The following FNBP4 variants were observed in gnomAD, a reference collection of about 807,000 sequenced individuals.
The protein encoded by FNBP4 is formin binding protein 4, also known as formin-binding protein 4.
Under a neutral mutation model 119.3 loss-of-function variants are expected in FNBP4, and 34 were observed. The observed-to-expected ratio is 0.28, with a 90% CI of 0.22 to 0.38. The LOEUF (loss-of-function observed/expected upper bound fraction) is 0.38. FNBP4 is among the 10% of genes least tolerant of loss of function. FNBP4 has a pLI of 1.00. For missense variants in FNBP4, 1,112 were observed against 1,228.9 expected, an observed-to-expected ratio of 0.90 and a Z score of 1.42; for synonymous variants, 462 against 430.6, an observed-to-expected ratio of 1.07 and a Z score of -0.90.
At chr11:47,766,028 T>G (rs979696523) in intron 1 of FNBP4, among the ~76,000 whole-genome samples, 1 of 151,882 alleles carries the variant, frequency 6.6e-6, no homozygotes, top group Non-Finnish European at 1.5e-5. Context: ...GGGAAGACTC[T>G]TACCATGGTA....
intron 8 of FNBP4, among the ~76,000 whole-genome samples, chr11:47,742,185 G>A (rs1163248552): frequency 6.6e-6 from 1 of 152,040 alleles, no homozygotes; most frequent in Admixed American, 6.6e-5. Context: ...ATAAAGGACA[G>A]AGAAAATAGC....
At chr11:47,765,522 C>T (rs2097645551) in intron 1 of FNBP4, among the ~76,000 whole-genome samples, 160 bp from the exon 2 acceptor site, 2 of 126,194 alleles carry the variant, frequency 1.6e-5, no homozygotes, top group African/African-American at 3.2e-5. Context: ...AAGTGCATTT[C>T]GGATGGGTTC....
At chr11:47,724,839 T>C in intron 12 of FNBP4, 61 bp from the exon 13 acceptor site, 2 of 1,511,178 alleles carry the variant, frequency 1.3e-6, no homozygotes, top group Admixed American at 2.3e-5. Context: ...CTTATATTCA[T>C]AGAAATGTTC....
chr11:47,717,761 T>C (rs1565115905), intron 16 of FNBP4, among the ~76,000 whole-genome samples: 1 of 152,218 alleles, frequency 6.6e-6, no homozygotes, highest in African/African-American at 2.4e-5. Context: ...TATTATTGAC[T>C]GATTGAGACG....
At position 47,717,179 on chromosome 11, in the gene FNBP4, AAGTTTGCC is replaced by A; in HGVS notation, c.*235_*242del. On this transcript the variant is annotated 3_prime_UTR_variant, in exon 17 of 17. Coordinates refer to ENST00000263773, the MANE Select transcript of FNBP4 (RefSeq NM_015308.5). The stretch of plus-strand genomic sequence containing the variant: ...ATGAGGTTAATACACCTAACATGCT[AAGTTTGCC>A]AGTTTGAGAATAAAGGCAGCATGGT... 2.2e-6 allele frequency: 1 copy of A among 447,282 alleles called. No homozygotes were observed. The highest frequency in any genetic ancestry group is 3.1e-5 in the South Asian group (1 of 31,840). The allele number at this position is 447,282 out of a possible 1,614,324, so 27.7% of individuals were successfully genotyped here.
chr11:47,752,850 A>G, intron 4 of FNBP4, 66 bp downstream of exon 4: 4 of 1,346,466 alleles, frequency 3.0e-6, no homozygotes, highest in Non-Finnish European at 4.1e-6. Context: ...AAAAACCAGA[A>G]AAGTGAATGC....
chr11:47,731,277 A>G (rs989425612), intron 12 of FNBP4, 97 bp downstream of exon 12: 4 of 1,195,798 alleles, frequency 3.3e-6, no homozygotes, highest in South Asian at 1.7e-5. Flanking sequence ...TCAGAAGCTT[A>G]TATTATTATG....
Position 47,754,519 on chromosome 11 carries a change from A to G in FNBP4, c.450+9T>C. The G allele has an allele frequency of 6.2e-7, 1 of 1,610,734 alleles. No individual in the cohort carries two copies. The highest frequency in any genetic ancestry group is 1.7e-5 in the Admixed American group (1 of 58,840). On this transcript the variant is annotated intron_variant, in intron 3 of 16. Coordinates refer to ENST00000263773, the MANE Select transcript of FNBP4 (RefSeq NM_015308.5). Reference sequence around the variant, plus strand: ...AGTAACTAAAACTCCAAACGAAAGCACCACTAACCGCTAGGAAGTTGGCCA... The same window carrying G: ...AGTAACTAAAACTCCAAACGAAAGCGCCACTAACCGCTAGGAAGTTGGCCA...
chr11:47,724,265 T>G, intron 13 of FNBP4, 93 bp from the exon 14 acceptor site: 1 of 1,544,222 alleles, frequency 6.5e-7, no homozygotes, highest in Admixed American at 1.8e-5. Flanking sequence ...TCTCATTCTG[T>G]TGCACAAGCT....
chr11:47,731,684 T>G (rs1421431574), intron 11 of FNBP4, 123 bp from the exon 12 acceptor site: 1 of 1,442,032 alleles, frequency 6.9e-7, no homozygotes, highest in Non-Finnish European at 9.0e-7. Context: ...TGGACTGCTA[T>G]TCACAAAGGC....
In FNBP4 at chr11:47,732,670, T is replaced by C. The variant is rs890456395; in HGVS notation, c.1687A>G (p.Thr563Ala). The C allele has an allele frequency of 3.1e-6, 5 of 1,613,952 alleles. No homozygotes were observed. Among genetic ancestry groups the C allele is most frequent in the Non-Finnish European group, 4.2e-6 (5 of 1,179,922 alleles). ...NFHVLLLQTE[T>A]RIADWREGAL... is the part of the protein sequence containing the mutation. The stretch of plus-strand genomic sequence containing the variant: ...CCTTCCCGCCAGTCTGCAATTCGAG[T>C]CTAGAATAAACAGACAAATAAGTTA... Residue 563 changes from threonine (T) to alanine (A), a missense_variant and splice_region_variant, in exon 11 of 17, where the codon ACT becomes GCT. Physicochemically the swap from Thr to Ala is moderately conservative, Grantham distance 58. Around this residue, in one of 2 missense-constraint regions of FNBP4, gnomAD observed 826 missense variants for 988.8 expected, o/e 0.84. Coordinates refer to ENST00000263773, the MANE Select transcript of FNBP4 (RefSeq NM_015308.5). This position sits in a 1 kb window ranked among gnomAD's most constrained non-coding sequence, Gnocchi z 4.2.
chr11:47,747,922 C>T (rs966757313), intron 6 of FNBP4, among the ~76,000 whole-genome samples: 22 of 144,618 alleles, frequency 1.5e-4, no homozygotes, highest in African/African-American at 5.1e-4. Context: ...TACTCCAGCT[C>T]GGATGACAGT....
At chr11:47,766,100 TTGAGCCCTGGAG>T (rs1288838518) in intron 1 of FNBP4, among the ~76,000 whole-genome samples, 2 of 152,056 alleles carry the variant, frequency 1.3e-5, no homozygotes, top group Non-Finnish European at 1.5e-5. Context: ...TAATGATCGC[TTGAGCCCTGGAG>T]TTCGAGACCA....
At chr11:47,743,259 G>C (rs958896023) in intron 8 of FNBP4, among the ~76,000 whole-genome samples, 3 of 152,148 alleles carry the variant, frequency 2.0e-5, no homozygotes, top group Non-Finnish European at 4.4e-5. Context: ...GAGGCGGGCG[G>C]ATCAACTGAG....
At position 47,734,852 on chromosome 11, in the gene FNBP4, A is replaced by G. The variant is rs147645791; in HGVS notation, c.1582-723T>C. The stretch of plus-strand genomic sequence containing the variant: ...GGTGAGGATGGTGGTGCACACCTGT[A>G]GTCCCAGCTACTCGGGAGGCTGAGG... On this transcript the variant is annotated intron_variant, in intron 9 of 16. Transcript: ENST00000263773. Among the ~76,000 whole-genome samples the G allele has an allele frequency of 5.9e-3, 904 of 152,108 alleles. 9 individuals are homozygous for G. The highest frequency in any genetic ancestry group is 0.021 in the African/African-American group (875 of 41,502).
chr11:47,750,694 AAAAAAAAAAAAAAAAAAAAAAAAG>A (rs1185263973), intron 6 of FNBP4, among the ~76,000 whole-genome samples, 198 bp downstream of exon 6: 2 of 60,490 alleles, frequency 3.3e-5, no homozygotes, highest in Non-Finnish European at 9.2e-5. Flanking sequence ...GTCTCAAAAA[AAAAAAAAAAAAAAAAAAAAAAAAG>A]AAAAAAGAAA....
chr11:47,766,619 C>A (rs1391784254), intron 1 of FNBP4, among the ~76,000 whole-genome samples: 2 of 152,258 alleles, frequency 1.3e-5, no homozygotes, highest in Non-Finnish European at 2.9e-5. Context: ...GGGATGCTTA[C>A]TAGCTGGAAT....
At chr11:47,747,710 G>A (rs966788618) in intron 6 of FNBP4, among the ~76,000 whole-genome samples, 47 of 152,240 alleles carry the variant, frequency 3.1e-4, no homozygotes, top group Middle Eastern at 3.4e-3. Context: ...AGCACTTTGG[G>A]AGGCCAAGGC....
chr11:47,746,966 G>C (rs1599223218), intron 6 of FNBP4, among the ~76,000 whole-genome samples: 1 of 152,164 alleles, frequency 6.6e-6, no homozygotes, highest in East Asian at 1.9e-4. Context: ...GTAGTAAACA[G>C]AGATAGATTT....
Sources: allele counts gnomAD v4.1 joint callset (sites outside exome capture counted in the v4.1 genomes callset), GRCh38; gene constraint gnomAD v4.1.1; regional missense constraint gnomAD v4.1.1; non-coding constraint Gnocchi (gnomAD v3.1); transcripts MANE v1.5; gene names NCBI Gene and HGNC (gene_info 2026-07-23, HGNC 2026-07-21).